NFIC: variants seen among roughly 807,000 people sequenced by gnomAD.
NFIC encodes the protein nuclear factor 1 C-type.
NFIC carries 12 observed loss-of-function variants against 54.4 expected under a neutral mutation model. The observed-to-expected ratio is 0.22, with a 90% CI of 0.14 to 0.36. NFIC has a LOEUF of 0.36. Ranked by LOEUF, NFIC falls within the 10% of genes least tolerant of loss-of-function variation. NFIC has a pLI of 1.00. For missense variants in NFIC, 575 were observed against 718.2 expected (o/e 0.80, Z 2.28); for synonymous variants, 322 against 319.2 (o/e 1.01, Z -0.09).
intron 2 of NFIC, among the ~76,000 whole-genome samples, chr19:3,399,374 C>A (rs2081517785): frequency 6.6e-6 from 1 of 151,656 alleles, no homozygotes; most frequent in African/African-American, 2.4e-5. Flanking sequence ...GCCAGGAGTT[C>A]AAGACCAGCC....
At chr19:3,416,313 A>G (rs1448403928) in intron 2 of NFIC, among the ~76,000 whole-genome samples, 2 of 149,342 alleles carry the variant, frequency 1.3e-5, no homozygotes, top group African/African-American at 4.9e-5. Context: ...GCCATCAAAT[A>G]TATATAATAT....
At chr19:3,420,181 T>C (rs2081931005) in intron 2 of NFIC, among the ~76,000 whole-genome samples, 1 of 151,838 alleles carries the variant, frequency 6.6e-6, no homozygotes, top group Non-Finnish European at 1.5e-5. Flanking sequence ...ATTAGCCAGA[T>C]GTGGTGGCGT....
chr19:3,434,423 C>G (rs766519213), intron 5 of NFIC, 23 bp downstream of exon 5: 2 of 1,576,708 alleles, frequency 1.3e-6, no homozygotes, highest in Non-Finnish European at 1.7e-6. Flanking sequence ...GTCCCCACCT[C>G]TGGGCATTTC....
chr19:3,434,899 A>C (rs2082173872), intron 5 of NFIC, 184 bp from the exon 6 acceptor site: 3 of 748,622 alleles, frequency 4.0e-6, no homozygotes, highest in Non-Finnish European at 6.3e-6. Context: ...CCATCCAAGC[A>C]ATGGACAGGT....
chr19:3,437,307 G>A (rs1473000375), intron 6 of NFIC, among the ~76,000 whole-genome samples: 2 of 151,896 alleles, frequency 1.3e-5, no homozygotes, highest in Non-Finnish European at 2.9e-5. Context: ...GGCGGAGCTT[G>A]CAGTGAGCTG....
upstream of NFIC, chr19:3,366,411 AAG>A (rs2080883466): frequency 2.3e-5 from 11 of 468,096 alleles, no homozygotes; most frequent in East Asian, 2.6e-4. Flanking sequence ...GGGAGAGAGG[AAG>A]AGAGAGACGG....
At chr19:3,380,530 T>C (rs1255956192) in intron 1 of NFIC, among the ~76,000 whole-genome samples, 1 of 151,388 alleles carries the variant, frequency 6.6e-6, no homozygotes, top group Admixed American at 6.6e-5. Flanking sequence ...GGTTTTGCCA[T>C]GTTGGCCGGG....
At chr19:3,445,279 G>C (rs1217811959) in intron 6 of NFIC, among the ~76,000 whole-genome samples, 2 of 152,196 alleles carry the variant, frequency 1.3e-5, no homozygotes, top group Non-Finnish European at 2.9e-5. Flanking sequence ...CCGGCTCCAG[G>C]CCACCCTCAT....
rs1319747793 is a variant in NFIC at position 3,452,448 on chromosome 19, C to G, written c.1085-34C>G. On this transcript the variant is annotated intron_variant, in intron 7 of 10. Coordinates refer to ENST00000443272, the MANE Select transcript of NFIC (RefSeq NM_001245002.2). This position sits in a 1 kb window ranked among gnomAD's most constrained non-coding sequence, Gnocchi z 5.3. ...GTCACAGAGCAGACCGGCTGGAGCC[C>G]CCAAGTAACCCCCGCTTCCCACTGT... The G allele has an allele frequency of 6.2e-7, 1 of 1,606,250 alleles. No homozygotes were observed. The highest frequency in any genetic ancestry group is 8.5e-7 in the Non-Finnish European group (1 of 1,178,858).
intron 5 of NFIC, among the ~76,000 whole-genome samples, chr19:3,434,670 ACACAG>A (rs2082170781): frequency 6.6e-6 from 1 of 152,094 alleles, no homozygotes; most frequent in South Asian, 2.1e-4. Flanking sequence ...AAGAATGCAG[ACACAG>A]GTTGTTGCTG....
chr19:3,366,563 G>GGGGGGGGGT, upstream of NFIC: 1 of 782,874 alleles, frequency 1.3e-6, no homozygotes. Flanking sequence ...GGGCGGGGGG[G>GGGGGGGGGT]TGGTTTGGAA....
chr19:3,451,204 C>G (rs1004451382), intron 7 of NFIC, among the ~76,000 whole-genome samples: 1 of 152,180 alleles, frequency 6.6e-6, no homozygotes, highest in Non-Finnish European at 1.5e-5. Flanking sequence ...GACAAAAAGG[C>G]CACACAGCAT....
chr19:3,425,808 G>A (rs963172153), intron 3 of NFIC, among the ~76,000 whole-genome samples: 2 of 151,790 alleles, frequency 1.3e-5, no homozygotes, highest in East Asian at 3.9e-4. Context: ...AGGCTGGAGT[G>A]CAGTGACACC....
intron 10 of NFIC, among the ~76,000 whole-genome samples, chr19:3,462,048 G>A (rs910882170): frequency 2.0e-4 from 29 of 146,826 alleles, no homozygotes; most frequent in Non-Finnish European, 2.5e-4. Context: ...GCGAGACTCT[G>A]TCTCAATAAA....
chr19:3,452,683 G>C lies in NFIC; in HGVS notation c.1269+17G>C. 6.3e-7 allele frequency: 1 copy of C among 1,583,006 alleles called. No individual in the cohort carries two copies. Among genetic ancestry groups the C allele is most frequent in the Non-Finnish European group, 8.6e-7 (1 of 1,165,588 alleles). On this transcript the variant is annotated intron_variant, in intron 8 of 10. Coordinates refer to ENST00000443272, the MANE Select transcript of NFIC (RefSeq NM_001245002.2). The surrounding 1 kb of genome is among the most constrained non-coding windows in gnomAD (Gnocchi z 5.3). ...CCTGGACCGGTGAGTTGGGCGGGGCGCATTCGGGCCTCTCCTGGCGGCTCC... is the reference window on the plus strand; with the variant it reads ...CCTGGACCGGTGAGTTGGGCGGGGCCCATTCGGGCCTCTCCTGGCGGCTCC...
intron 7 of NFIC, 46 bp downstream of exon 7, chr19:3,449,185 A>G (rs773349786): frequency 6.3e-7 from 1 of 1,588,046 alleles, no homozygotes; most frequent in Non-Finnish European, 8.6e-7. Context: ...GGGCCCTCCT[A>G]TCAGGCCTCT....
intron 1 of NFIC, among the ~76,000 whole-genome samples, chr19:3,377,615 T>G (rs756244710): frequency 3.9e-5 from 6 of 152,000 alleles, no homozygotes; most frequent in Non-Finnish European, 7.4e-5. Flanking sequence ...TTTTATTTTA[T>G]TTTTTATTTT....
chr19:3,433,369 G>C, intron 3 of NFIC, 149 bp from the exon 4 acceptor site: 2 of 752,990 alleles, frequency 2.7e-6, no homozygotes, highest in Non-Finnish European at 4.5e-6. Flanking sequence ...TTCCCCATCA[G>C]ACTGGAGCTG....
chr19:3,428,745 G>A (rs188883617), intron 3 of NFIC, among the ~76,000 whole-genome samples: 36 of 152,200 alleles, frequency 2.4e-4, no homozygotes, highest in East Asian at 1.7e-3. Flanking sequence ...AGGAAATCAC[G>A]TCCTCCCAGC....
Sources: allele counts gnomAD v4.1 joint callset (sites outside exome capture counted in the v4.1 genomes callset), GRCh38; gene constraint gnomAD v4.1.1; non-coding constraint Gnocchi (gnomAD v3.1); transcripts MANE v1.5; gene names NCBI Gene and HGNC (gene_info 2026-07-23, HGNC 2026-07-21).